The following SLC35F4 variants were observed in gnomAD, a reference collection of about 807,000 sequenced individuals.
SLC35F4 encodes the protein solute carrier family 35 member F4.
In SLC35F4, 24 loss-of-function variants were observed where a neutral mutation model predicts 44.2. The observed-to-expected ratio is 0.54, with a 90% confidence interval of 0.39 to 0.76. The LOEUF (loss-of-function observed/expected upper bound fraction) is 0.76, where lower values mean the gene tolerates loss of function less well. Among genes scored for constraint, SLC35F4 ranks in the 30% least tolerant of loss-of-function variants. The pLI, the probability that SLC35F4 is intolerant of heterozygous loss-of-function variation, is 0.00. For synonymous variants in SLC35F4, 238 were observed against 223.6 expected (o/e 1.06, Z -0.57); for missense variants, 562 against 586.1 (o/e 0.96, Z 0.42).
intron 1 of SLC35F4, among the ~76,000 whole-genome samples, chr14:57,724,330 G>A (rs1472616221): frequency 6.6e-6 from 1 of 152,170 alleles, no homozygotes; most frequent in Non-Finnish European, 1.5e-5. Context: ...AGGCCTCTAG[G>A]ATTTTGGAGC....
At chr14:57,895,890 TCTA>T (rs1290722506) in intron 1 of SLC35F4, among the ~76,000 whole-genome samples, 6 of 152,076 alleles carry the variant, frequency 3.9e-5, no homozygotes, top group Non-Finnish European at 8.8e-5. Flanking sequence ...TACCTGGCAT[TCTA>T]CTACTAATAT....
rs188968378 is a variant in SLC35F4, at chr14:57,580,820, G to A, written c.807+394C>T. On this transcript the variant is annotated intron_variant, in intron 4 of 7. Transcript: ENST00000556826. Reference sequence around the variant, plus strand: ...ATTAATTAAGTCCATCTGGTGGGGGGAATGGGGGGTCATCTCAACATATGT... The same window carrying A: ...ATTAATTAAGTCCATCTGGTGGGGGAAATGGGGGGTCATCTCAACATATGT... Among the ~76,000 whole-genome samples, 5 of 152,176 alleles carry A rather than the reference G, an allele frequency of 3.3e-5. No individual in the cohort carries two copies. The South Asian group carries it at 8.3e-4, about 25-fold the overall frequency.
In SLC35F4 at chr14:57,696,836, C is replaced by T. The variant is rs58146162; in HGVS notation, c.104-102712G>A. Among the ~76,000 whole-genome samples the T allele has an allele frequency of 1.0e-3, 152 of 152,302 alleles. 3 individuals are homozygous for T. The highest frequency in any genetic ancestry group is 3.6e-3 in the African/African-American group (148 of 41,562). On this transcript the variant is annotated intron_variant, in intron 1 of 7. Transcript: ENST00000556826. The stretch of plus-strand genomic sequence containing the variant: ...CACAGGAACAGAAAACCAAACACTG[C>T]ATGTTCTCACTCATAAGTGGGAACT...
At chr14:57,572,890 G>A (rs1056862310) in intron 4 of SLC35F4, among the ~76,000 whole-genome samples, 1 of 152,214 alleles carries the variant, frequency 6.6e-6, no homozygotes, top group Non-Finnish European at 1.5e-5. Context: ...ACAGTAAAAT[G>A]ATGCTGGAAC....
At chr14:57,793,791 G>C (rs1008525606) in intron 1 of SLC35F4, among the ~76,000 whole-genome samples, 1 of 152,074 alleles carries the variant, frequency 6.6e-6, no homozygotes, top group Non-Finnish European at 1.5e-5. Flanking sequence ...GGTTCTTTGA[G>C]AAATCTCCAT....
At chr14:57,935,799 A>G (rs1889784637) in intron 1 of SLC35F4, among the ~76,000 whole-genome samples, 3 of 152,216 alleles carry the variant, frequency 2.0e-5, no homozygotes, top group South Asian at 4.1e-4. Flanking sequence ...ATTTATTCCT[A>G]TGTTACAAAT....
chr14:57,971,788 A>C (rs961681623), downstream of SLC35F4, among the ~76,000 whole-genome samples: 1 of 152,234 alleles, frequency 6.6e-6, no homozygotes, highest in Admixed American at 6.5e-5. Flanking sequence ...TTTCAGTTAT[A>C]AGGTGGGAAA....
rs143722429 is a variant in SLC35F4, at chr14:57,791,755, A to G, written c.103+73968T>C. Among the ~76,000 whole-genome samples, 2,071 of 152,330 alleles carry G rather than the reference A, an allele frequency of 0.014. 251 individuals carry two copies. In the East Asian group the frequency reaches 0.31, roughly 23 times the overall value. On this transcript the variant is annotated intron_variant, in intron 1 of 7. Transcript: ENST00000556826. ...ATAGACTGGATAAAGAAAATGGGGC[A>G]CATATACACCGTAGAATACTATGCA...
At position 57,666,740 on chromosome 14, in the gene SLC35F4, C is replaced by T. The variant is rs537046283; in HGVS notation, c.104-72616G>A. Among the ~76,000 whole-genome samples, 85 of 149,010 alleles carry T rather than the reference C, an allele frequency of 5.7e-4. 1 individual carries two copies. Among genetic ancestry groups the T allele is most frequent in the Middle Eastern group, 6.9e-3 (2 of 290 alleles). On this transcript the variant is annotated intron_variant, in intron 1 of 7. Transcript: ENST00000556826. ...TTTTTTTTTCAACTGACTGTAGTTA[C>T]TCAGAAAAGCAAGAGGCAGGCAAGA...
At chr14:57,909,577 A>G (rs900509724) in intron 1 of SLC35F4, among the ~76,000 whole-genome samples, 5 of 122,902 alleles carry the variant, frequency 4.1e-5, no homozygotes, top group Non-Finnish European at 8.9e-5. Context: ...CACACACACA[A>G]ACACACAGAT....
chr14:57,659,205 G>A (rs1242089393), intron 1 of SLC35F4, among the ~76,000 whole-genome samples: 1 of 152,168 alleles, frequency 6.6e-6, no homozygotes, highest in Non-Finnish European at 1.5e-5. Flanking sequence ...GGACAGCAAA[G>A]ACTGGAGGCT....
At chr14:57,821,737 C>T (rs1423396280) in intron 1 of SLC35F4, among the ~76,000 whole-genome samples, 1 of 152,184 alleles carries the variant, frequency 6.6e-6, no homozygotes, top group African/African-American at 2.4e-5. Flanking sequence ...GAAGGGATTT[C>T]TAGTAAGTTG....
chr14:57,852,691 C>G (rs1391627312), intron 1 of SLC35F4, among the ~76,000 whole-genome samples: 3 of 152,224 alleles, frequency 2.0e-5, no homozygotes, highest in Non-Finnish European at 2.9e-5. Context: ...GTCACCATAA[C>G]TCCAGCAGGG....
At chr14:57,722,193 T>A (rs550841508) in intron 1 of SLC35F4, among the ~76,000 whole-genome samples, 3 of 152,254 alleles carry the variant, frequency 2.0e-5, no homozygotes, top group Non-Finnish European at 4.4e-5. Context: ...TTGGTCCCAT[T>A]AAGTAGGGAC....
intron 1 of SLC35F4, among the ~76,000 whole-genome samples, chr14:57,949,674 TTTGAGATTTGGAACTTC>T (rs1308132732): frequency 2.0e-5 from 3 of 152,226 alleles, no homozygotes; most frequent in Non-Finnish European, 4.4e-5. Flanking sequence ...TGAGGTTTTC[TTTGAGATTTGGAACTTC>T]TTTTAGCATT....
chr14:57,586,586 C>T lies in SLC35F4; in HGVS notation c.587+2630G>A, dbSNP rs181507610. Among the ~76,000 whole-genome samples, 443 of 151,330 alleles carry T rather than the reference C, an allele frequency of 2.9e-3. 1 individual carries two copies. The highest frequency in any genetic ancestry group is 9.3e-3 in the African/African-American group (383 of 41,260). On this transcript the variant is annotated intron_variant, in intron 3 of 7. Transcript: ENST00000556826. ...ACAAAAAATTAGCCGGGCGTGGTGG[C>T]GGGTGCCTGTAGTCCCAGCTACTCA...
intron 1 of SLC35F4, among the ~76,000 whole-genome samples, chr14:57,598,589 CAA>C (rs2070629016): frequency 2.0e-5 from 3 of 152,104 alleles, no homozygotes; most frequent in African/African-American, 7.2e-5. Flanking sequence ...GGGTAAAAAG[CAA>C]AGAGTCAAAT....
chr14:57,603,393 C>G (rs2070950421), intron 1 of SLC35F4, among the ~76,000 whole-genome samples: 2 of 152,216 alleles, frequency 1.3e-5, no homozygotes, highest in Admixed American at 6.5e-5. Context: ...GCACCCAACC[C>G]TCTTCCTATT....
chr14:57,706,027 T>C (rs894392082), intron 1 of SLC35F4, among the ~76,000 whole-genome samples: 9 of 152,168 alleles, frequency 5.9e-5, no homozygotes, highest in Admixed American at 3.3e-4. Context: ...TCTCTAAAAC[T>C]TGATGTGCCT....
Sources: allele counts gnomAD v4.1 joint callset (sites outside exome capture counted in the v4.1 genomes callset), GRCh38; gene constraint gnomAD v4.1.1; transcripts MANE v1.5; gene names NCBI Gene and HGNC (gene_info 2026-07-23, HGNC 2026-07-21).